The following EGFR variants were observed in gnomAD, a reference collection of about 807,000 sequenced individuals.
The protein encoded by EGFR is avian erythroblastic leukemia viral (v-erb-b) oncogene homolog.
EGFR carries 58 observed loss-of-function variants against 143.0 expected under a neutral mutation model. The ratio of observed to expected loss-of-function variants is 0.41; its 90% CI spans 0.33 to 0.50. The LOEUF (loss-of-function observed/expected upper bound fraction) is 0.50, where lower values mean the gene tolerates loss of function less well. Ranked by LOEUF, EGFR falls within the 20% of genes least tolerant of loss-of-function variation. The pLI is 0.39. For synonymous variants in EGFR, 613 were observed against 594.4 expected (o/e 1.03, Z -0.45); for missense variants, 1,307 against 1,579.0 (o/e 0.83, Z 2.92).
intron 22 of EGFR, 41 bp from the exon 23 acceptor site, chr7:55,198,676 T>G: frequency 1.9e-6 from 3 of 1,613,708 alleles, no homozygotes; most frequent in Non-Finnish European, 1.7e-6. Context: ...GATTGTTCAT[T>G]CATGATCCCA....
chr7:55,157,977 C>G (rs1004884729), intron 11 of EGFR, among the ~76,000 whole-genome samples: 1 of 152,250 alleles, frequency 6.6e-6, no homozygotes, highest in African/African-American at 2.4e-5. Context: ...AGTGCTTCTG[C>G]TTCTGTGTCC....
intron 1 of EGFR, among the ~76,000 whole-genome samples, chr7:55,042,986 C>G (rs977340433): frequency 4.6e-5 from 7 of 152,128 alleles, no homozygotes; most frequent in African/African-American, 1.7e-4. Flanking sequence ...TTATAAAGCA[C>G]AGCCCTCTAT....
At chr7:55,182,951 C>G (rs1297037457) in intron 20 of EGFR, among the ~76,000 whole-genome samples, 1 of 152,184 alleles carries the variant, frequency 6.6e-6, no homozygotes, top group Non-Finnish European at 1.5e-5. Flanking sequence ...TTTCCCAAGA[C>G]TGCCACAACA....
chr7:55,109,188 A>G (rs934741088), intron 1 of EGFR, among the ~76,000 whole-genome samples: 1 of 152,254 alleles, frequency 6.6e-6, no homozygotes, highest in Non-Finnish European at 1.5e-5. Context: ...ATGTGCACAG[A>G]GGATTAAATT....
chr7:55,204,042 AGTTT>A (rs1787990363), intron 27 of EGFR, among the ~76,000 whole-genome samples: 1 of 151,570 alleles, frequency 6.6e-6, no homozygotes, highest in Non-Finnish European at 1.5e-5. Context: ...TCTAATATAT[AGTTT>A]ATTGGCTATC....
intron 1 of EGFR, among the ~76,000 whole-genome samples, chr7:55,023,463 C>A (rs994413800): frequency 1.3e-5 from 2 of 152,016 alleles, no homozygotes; most frequent in Non-Finnish European, 1.5e-5. Flanking sequence ...GGCTGACCAA[C>A]ACGGTGAAAC....
chr7:55,104,569 T>C (rs1437100012), intron 1 of EGFR, among the ~76,000 whole-genome samples: 1 of 152,240 alleles, frequency 6.6e-6, no homozygotes, highest in Non-Finnish European at 1.5e-5. Flanking sequence ...CATATGGCAC[T>C]GTCTACCGCA....
At chr7:55,102,212 G>A (rs1791875889) in intron 1 of EGFR, among the ~76,000 whole-genome samples, 1 of 151,952 alleles carries the variant, frequency 6.6e-6, no homozygotes. Context: ...CCACCTGTAA[G>A]ACCCCTACTG....
In EGFR at chr7:55,165,388, G is replaced by A. The variant is rs201061916; in HGVS notation, c.1831G>A (p.Ala611Thr). Residue 611 changes from alanine (A) to threonine (T), a missense_variant, in exon 15 of 28, where the codon GCA becomes ACA. Coordinates refer to ENST00000275493, the MANE Select transcript of EGFR (RefSeq NM_005228.5). ...AAACAACACCCTGGTCTGGAAGTACGCAGACGCCGGCCATGTGTGCCACCT... is the reference window on the plus strand; with the variant it reads ...AAACAACACCCTGGTCTGGAAGTACACAGACGCCGGCCATGTGTGCCACCT... ...GENNTLVWKY[A>T]DAGHVCHLCH... 23 of 1,614,044 alleles carry A rather than the reference G, an allele frequency of 1.4e-5. No individual in the cohort carries two copies. Among genetic ancestry groups the A allele is most frequent in the Non-Finnish European group, 1.7e-5 (20 of 1,180,042 alleles).
chr7:55,167,290 T>G, intron 15 of EGFR, among the ~76,000 whole-genome samples: 3 of 132,936 alleles, frequency 2.3e-5, no homozygotes, highest in East Asian at 2.7e-4. Context: ...GGTGAGGAGG[T>G]GGGAGTCACA....
chr7:55,191,244 T>C (rs553559032), intron 20 of EGFR, among the ~76,000 whole-genome samples: 1 of 152,232 alleles, frequency 6.6e-6, no homozygotes, highest in African/African-American at 2.4e-5. Context: ...ACAAAAATCT[T>C]CATAGGCAGT....
chr7:55,062,364 G>A (rs1192419790), intron 1 of EGFR, among the ~76,000 whole-genome samples: 4 of 152,138 alleles, frequency 2.6e-5, no homozygotes, highest in African/African-American at 4.8e-5. Context: ...AGAGTAACAC[G>A]TGAGCACTGA....
intron 11 of EGFR, among the ~76,000 whole-genome samples, chr7:55,158,080 C>T (rs1402353495): frequency 6.6e-6 from 1 of 152,214 alleles, no homozygotes; most frequent in Non-Finnish European, 1.5e-5. Flanking sequence ...CTTTCACGGC[C>T]TTGACACTTA....
In EGFR at chr7:55,209,019, C is replaced by G. The variant is rs1788177371; in HGVS notation, c.*3402C>G. On this transcript the variant is annotated 3_prime_UTR_variant, in exon 28 of 28. Transcript: ENST00000275493. ...GCTGGGGGGCCACCCCCCAGTGCCACTCTCACTAGGCCTCTGATTGCACTT... is the reference window on the plus strand; with the variant it reads ...GCTGGGGGGCCACCCCCCAGTGCCAGTCTCACTAGGCCTCTGATTGCACTT... The G allele has an allele frequency of 6.6e-6, 1 of 152,170 alleles. No individual in the cohort carries two copies. Among genetic ancestry groups the G allele is most frequent in the Non-Finnish European group, 1.5e-5 (1 of 68,034 alleles). 9.4% of individuals were successfully genotyped at this position (152,170 alleles called of 1,614,324 possible).
At chr7:55,156,909 T>G (rs1785450314) in intron 10 of EGFR, 77 bp downstream of exon 10, 6 of 1,603,350 alleles carry the variant, frequency 3.7e-6, no homozygotes, top group Non-Finnish European at 5.1e-6. Context: ...ATATTTCCTG[T>G]TCCCTTGGAA....
chr7:55,198,578 T>C, intron 22 of EGFR, 139 bp from the exon 23 acceptor site: 1 of 1,295,820 alleles, frequency 7.7e-7, no homozygotes, highest in Non-Finnish European at 1.1e-6. Flanking sequence ...CTTCCAGCAT[T>C]GAAGCAAATT....
rs1259499814 is a variant in EGFR, at chr7:55,156,064, G to A, written c.1006+118G>A. 42 of 785,286 alleles carry A rather than the reference G, an allele frequency of 5.3e-5. No homozygotes were observed. In the Admixed American group the frequency reaches 8.1e-4, roughly 15 times the overall value. 48.6% of individuals were successfully genotyped at this position (785,286 alleles called of 1,614,324 possible). A position where few individuals can be genotyped will look rare whatever the true frequency, so the allele number is the denominator to read the frequency against. On this transcript the variant is annotated intron_variant, in intron 8 of 27. Coordinates refer to ENST00000275493, the MANE Select transcript of EGFR (RefSeq NM_005228.5). ...TCATTAAAAAACAACTATACATATC[G>A]TTTCTTTAAAACAGAAGATAAAGCT...
chr7:55,196,911 C>T (rs1787645243), intron 22 of EGFR, among the ~76,000 whole-genome samples: 1 of 152,012 alleles, frequency 6.6e-6, no homozygotes, highest in Non-Finnish European at 1.5e-5. Flanking sequence ...GTTTTGGTTA[C>T]TGTATCCCTG....
intron 20 of EGFR, among the ~76,000 whole-genome samples, chr7:55,190,575 G>A (rs1442717052): frequency 6.6e-6 from 1 of 151,988 alleles, no homozygotes; most frequent in Non-Finnish European, 1.5e-5. Flanking sequence ...GCTTTTCCCT[G>A]CAGTCACACT....
Sources: allele counts gnomAD v4.1 joint callset (sites outside exome capture counted in the v4.1 genomes callset), GRCh38; gene constraint gnomAD v4.1.1; transcripts MANE v1.5; gene names NCBI Gene and HGNC (gene_info 2026-07-23, HGNC 2026-07-21).